SARS1: variants seen among roughly 807,000 people sequenced by gnomAD.
The protein encoded by SARS1 is serine--tRNA ligase, cytoplasmic.
In SARS1, 25 loss-of-function variants were observed where a neutral mutation model predicts 63.7. The observed-to-expected ratio is 0.39, with a 90% CI of 0.29 to 0.55. The LOEUF is 0.55. Among genes scored for constraint, SARS1 ranks in the 20% least tolerant of loss-of-function variants. The pLI is 0.62. For synonymous variants in SARS1, 231 were observed against 243.5 expected (o/e 0.95, Z 0.48); for missense variants, 417 against 649.7 (o/e 0.64, Z 3.89).
chr1:109,213,968 G>T lies in SARS1; in HGVS notation c.-25G>T. ...GCTGCGGCGCGATCCTTGCTTCCCT[G>T]AGCGTTGGCCCGGGAGGAAAGAAGA... On this transcript the variant is annotated 5_prime_UTR_variant, in exon 1 of 11. Transcript: ENST00000234677. The T allele has an allele frequency of 6.3e-7, 1 of 1,599,982 alleles. No individual in the cohort carries two copies. The highest frequency in any genetic ancestry group is 1.1e-5 in the South Asian group (1 of 89,824).
At chr1:109,226,677 A>T (rs12749308) in intron 2 of SARS1, among the ~76,000 whole-genome samples, 9,316 of 45,078 alleles carry the variant, frequency 0.21, 1,046 homozygotes, top group Admixed American at 0.27. Context: ...AAAAAAAAAA[A>T]ATATATATAT....
intron 8 of SARS1, 125 bp downstream of exon 8, chr1:109,236,231 T>C: frequency 4.5e-6 from 6 of 1,325,290 alleles, no homozygotes; most frequent in Non-Finnish European, 6.2e-6. Context: ...ATTAAAATAT[T>C]ACACTCTTCT....
intron 2 of SARS1, among the ~76,000 whole-genome samples, chr1:109,225,878 C>T (rs1655054028): frequency 6.6e-6 from 1 of 152,228 alleles, no homozygotes; most frequent in Non-Finnish European, 1.5e-5. Context: ...ATCTTGCAAA[C>T]ATATCACCCT....
chr1:109,214,891 A>T lies in SARS1; in HGVS notation c.136+763A>T. The T allele has an allele frequency of 1.0e-6, 1 of 985,470 alleles. No individual in the cohort carries two copies. The highest frequency in any genetic ancestry group is 1.2e-6 in the Non-Finnish European group (1 of 829,948). The allele number at this position is 985,470 out of a possible 1,614,324, so 61.0% of individuals were successfully genotyped here. A position where few individuals can be genotyped will look rare whatever the true frequency, so the allele number is the denominator to read the frequency against. ...GAGTCATATCGGGCATCTATCATGAAGCCGAATAAAACCATAGAACCATCT... is the reference window on the plus strand; with the variant it reads ...GAGTCATATCGGGCATCTATCATGATGCCGAATAAAACCATAGAACCATCT... On this transcript the variant is annotated intron_variant, in intron 1 of 10. Coordinates refer to ENST00000234677, the MANE Select transcript of SARS1 (RefSeq NM_006513.4). The surrounding 1 kb of genome is among the most constrained non-coding windows in gnomAD (Gnocchi z 4.6).
At chr1:109,227,667 C>T (rs895255725) in intron 2 of SARS1, among the ~76,000 whole-genome samples, 1 of 151,106 alleles carries the variant, frequency 6.6e-6, no homozygotes, top group Non-Finnish European at 1.5e-5. Flanking sequence ...TTTGGGAGGC[C>T]AAGGTGGGGG....
chr1:109,226,727 CAT>C (rs879464713), intron 2 of SARS1, among the ~76,000 whole-genome samples: 14,058 of 38,986 alleles, frequency 0.36, 1,042 homozygotes, highest in Non-Finnish European at 0.43. Flanking sequence ...CACACACACA[CAT>C]ATATATATAT....
intron 6 of SARS1, among the ~76,000 whole-genome samples, chr1:109,233,902 C>T (rs1367558526): frequency 1.7e-5 from 2 of 118,624 alleles, no homozygotes; most frequent in Admixed American, 1.1e-4. Flanking sequence ...CGGTATCTCA[C>T]TCTTTCACCC....
intron 4 of SARS1, 123 bp downstream of exon 4, chr1:109,229,695 C>T: frequency 1.1e-6 from 1 of 931,486 alleles, no homozygotes; most frequent in Non-Finnish European, 1.6e-6. Flanking sequence ...TTGTATATTC[C>T]CTCTGCCCAC....
chr1:109,224,917 G>A (rs1042204381), intron 2 of SARS1, among the ~76,000 whole-genome samples: 3 of 152,108 alleles, frequency 2.0e-5, no homozygotes, highest in African/African-American at 7.2e-5. Flanking sequence ...ACAACATGGT[G>A]AAACCCCATC....
intron 5 of SARS1, 65 bp downstream of exon 5, chr1:109,231,086 T>A (rs368425677): frequency 0.05 from 24,504 of 488,534 alleles, 159 homozygotes; most frequent in African/African-American, 0.076. Flanking sequence ...TATATATATT[T>A]TTTTTTTTTT....
chr1:109,237,947 T>C lies in SARS1; in HGVS notation c.*59T>C. 6.3e-7 allele frequency: 1 copy of C among 1,586,568 alleles called. No individual in the cohort carries two copies. ...TTCTGTCTGCTGAGATCTCAGAGCC[T>C]GCCCAACAGCAGGGAAGCCAAGCAC... On this transcript the variant is annotated 3_prime_UTR_variant, in exon 11 of 11. Transcript: ENST00000234677. The surrounding 1 kb of genome is among the most constrained non-coding windows in gnomAD (Gnocchi z 4.1).
chr1:109,230,545 G>A (rs192993380), intron 4 of SARS1, among the ~76,000 whole-genome samples: 3 of 152,294 alleles, frequency 2.0e-5, no homozygotes, highest in East Asian at 1.9e-4. Flanking sequence ...GGTGGCTCAC[G>A]TCTATAATCC....
At position 109,237,294 on chromosome 1, in the gene SARS1, C is replaced by T. The variant is rs769394026; in HGVS notation, c.1308C>T (p.Thr436=). Residue 436 remains threonine, a synonymous_variant, in exon 10 of 11, where the codon ACC becomes ACT. Transcript: ENST00000234677. This position sits in a 1 kb window ranked among gnomAD's most constrained non-coding sequence, Gnocchi z 4.1. ...CTACCATGTGCGCCACTACCCGTAC[C>T]ATCTGCGCCATCCTGGAGAACTACC... ...LNATMCATTR[T]ICAILENYQT... 6.2e-7 allele frequency: 1 copy of T among 1,614,158 alleles called. No individual in the cohort carries two copies. Among genetic ancestry groups the T allele is most frequent in the Non-Finnish European group, 8.5e-7 (1 of 1,180,026 alleles).
Position 109,237,729 on chromosome 1 carries a change from A to G in SARS1, c.1388-2A>G. On this transcript the variant is annotated splice_acceptor_variant, in intron 10 of 10. Transcript: ENST00000234677. LOFTEE classifies it high-confidence loss of function. The surrounding 1 kb of genome is among the most constrained non-coding windows in gnomAD (Gnocchi z 4.1). Reference sequence around the variant, plus strand: ...GTCATTTGGTTGGCTCTTCCCTCCCAGGACTGCAAGAACTGATCCCCTTTG... The same window carrying G: ...GTCATTTGGTTGGCTCTTCCCTCCCGGGACTGCAAGAACTGATCCCCTTTG... The G allele has an allele frequency of 6.2e-7, 1 of 1,614,006 alleles. No individual in the cohort carries two copies. The highest frequency in any genetic ancestry group is 8.5e-7 in the Non-Finnish European group (1 of 1,179,958).
At chr1:109,220,055 G>A (rs1399827528) in intron 1 of SARS1, among the ~76,000 whole-genome samples, 3 of 152,132 alleles carry the variant, frequency 2.0e-5, no homozygotes, top group South Asian at 2.1e-4. Flanking sequence ...GATTATAGTT[G>A]TATATATTTA....
rs1283536260 is a variant in SARS1, at chr1:109,235,546, G to A, written c.969+115G>A. ...CCTGGCTCCAGCTTTTCCTCTCATT[G>A]CTTACCTCTGTGTTTCTGGGGAAGT... On this transcript the variant is annotated intron_variant, in intron 7 of 10. Transcript: ENST00000234677. The surrounding 1 kb of genome is among the most constrained non-coding windows in gnomAD (Gnocchi z 4.7). 5 of 830,230 alleles carry A rather than the reference G, an allele frequency of 6.0e-6. No individual in the cohort carries two copies. The highest frequency in any genetic ancestry group is 9.4e-6 in the Non-Finnish European group (5 of 530,314). The allele number at this position is 830,230 out of a possible 1,614,324, so 51.4% of individuals were successfully genotyped here. A position where few individuals can be genotyped will look rare whatever the true frequency, so the allele number is the denominator to read the frequency against.
rs998240874 is a variant in SARS1 at position 109,235,829 on chromosome 1, C to T, written c.970-148C>T. On this transcript the variant is annotated intron_variant, in intron 7 of 10. Coordinates refer to ENST00000234677, the MANE Select transcript of SARS1 (RefSeq NM_006513.4). The surrounding 1 kb of genome is among the most constrained non-coding windows in gnomAD (Gnocchi z 4.7). ...GAAGCTCGCACCATAAGCATTTGCTCTTGTGGTCCAGTCCCAGTTGCTGGG... is the reference window on the plus strand; with the variant it reads ...GAAGCTCGCACCATAAGCATTTGCTTTTGTGGTCCAGTCCCAGTTGCTGGG... The T allele has an allele frequency of 2.7e-6, 2 of 737,274 alleles. No individual in the cohort carries two copies. Among genetic ancestry groups the T allele is most frequent in the African/African-American group, 3.5e-5 (2 of 57,290 alleles). 45.7% of individuals were successfully genotyped at this position (737,274 alleles called of 1,614,324 possible).
Position 109,221,970 on chromosome 1 carries a change from GTATA to G in SARS1, c.137-1970_137-1967del, listed in dbSNP as rs773937466. 4.7e-3 allele frequency among the ~76,000 whole-genome samples: 132 copies of G among 28,022 alleles called. 2 individuals are homozygous for G. The highest frequency in any genetic ancestry group is 7.2e-3 in the East Asian group (7 of 968). 18.4% of individuals were successfully genotyped at this position (28,022 alleles called of 152,430 possible). On this transcript the variant is annotated intron_variant, in intron 1 of 10. Transcript: ENST00000234677. Reference sequence around the variant, plus strand: ...GCTCAGCTAATTTTTTTGTGTGTGTGTATATATATATATATATATATATATATAT... The same window carrying G: ...GCTCAGCTAATTTTTTTGTGTGTGTGTATATATATATATATATATATATAT...
At position 109,213,945 on chromosome 1, in the gene SARS1, T is replaced by G. The variant is rs1275790954; in HGVS notation, c.-48T>G. The G allele has an allele frequency of 7.0e-6, 11 of 1,565,638 alleles. No individual in the cohort carries two copies. The highest frequency in any genetic ancestry group is 1.2e-5 in the South Asian group (1 of 85,790). On this transcript the variant is annotated 5_prime_UTR_variant, in exon 1 of 11. Coordinates refer to ENST00000234677, the MANE Select transcript of SARS1 (RefSeq NM_006513.4). ...AGTGCGGCGGTCACAGGCTGAGTGCTGCGGCGCGATCCTTGCTTCCCTGAG... is the reference window on the plus strand; with the variant it reads ...AGTGCGGCGGTCACAGGCTGAGTGCGGCGGCGCGATCCTTGCTTCCCTGAG...
Sources: gnomAD v4.1 joint callset for allele counts (sites outside exome capture counted in the v4.1 genomes callset) on GRCh38, gnomAD v4.1.1 for gene constraint, Gnocchi (gnomAD v3.1) non-coding constraint, MANE v1.5 for transcripts, NCBI Gene and HGNC (gene_info 2026-07-23, HGNC 2026-07-21) for gene names.